The following MMP26 variants were observed in gnomAD, a reference collection of about 807,000 sequenced individuals.
MMP26 encodes matrix metallopeptidase 26, also known as matrix metalloproteinase-26.
In MMP26, 33 loss-of-function variants were observed where a neutral mutation model predicts 31.0. The observed-to-expected ratio is 1.06, with a 90% confidence interval of 0.81 to 1.42. The LOEUF is 1.42. Ranked by LOEUF, MMP26 falls within the 40% of genes most tolerant of loss-of-function variation. MMP26 has a pLI of 0.00. For missense variants in MMP26, 347 were observed against 316.1 expected, an observed-to-expected ratio of 1.10 and a Z score of -0.74; for synonymous variants, 122 against 114.9, an observed-to-expected ratio of 1.06 and a Z score of -0.40.
chr11:4,807,581 T>C (rs1372345060), intron 2 of MMP26, among the ~76,000 whole-genome samples: 1 of 122,424 alleles, frequency 8.2e-6, no homozygotes, highest in Non-Finnish European at 1.6e-5. Flanking sequence ...AACACATGGA[T>C]ACAGGGTGGG....
At chr11:4,726,031 G>C (rs1010363216) in intron 1 of MMP26, among the ~76,000 whole-genome samples, 1 of 152,160 alleles carries the variant, frequency 6.6e-6, no homozygotes, top group Non-Finnish European at 1.5e-5. Context: ...GAAAGAAATA[G>C]AGCACATTCA....
chr11:4,825,745 T>C (rs1849570067), intron 2 of MMP26, among the ~76,000 whole-genome samples: 1 of 152,168 alleles, frequency 6.6e-6, no homozygotes, highest in African/African-American at 2.4e-5. Context: ...TTCTGACTGC[T>C]AGCAACCAGA....
At position 4,990,587 on chromosome 11, in the gene MMP26, G is replaced by C; in HGVS notation, c.321-11G>C. On this transcript the variant is annotated splice_polypyrimidine_tract_variant and intron_variant, in intron 4 of 7. Transcript: ENST00000380390. ...CTCTGAACTATTTCATTTAGAGATT[G>C]CTTTCCTCAGGATTATCAATTACCC... 1 of 1,607,088 alleles carries C rather than the reference G, an allele frequency of 6.2e-7. No homozygotes were observed. Among genetic ancestry groups the C allele is most frequent in the Non-Finnish European group, 8.5e-7 (1 of 1,175,496 alleles).
At chr11:4,925,707 C>T (rs1164802517) in intron 2 of MMP26, among the ~76,000 whole-genome samples, 1 of 148,322 alleles carries the variant, frequency 6.7e-6, no homozygotes, top group South Asian at 2.1e-4. Flanking sequence ...AATGGAGAAT[C>T]AGAGAAATAG....
chr11:4,882,758 C>G (rs2133540044), intron 2 of MMP26: 1 of 1,613,914 alleles, frequency 6.2e-7, no homozygotes, highest in Middle Eastern at 1.7e-4. Flanking sequence ...GCTCTTACCA[C>G]CTGTGCTGAA....
intron 2 of MMP26, among the ~76,000 whole-genome samples, chr11:4,853,590 A>C (rs974241900): frequency 6.6e-6 from 1 of 152,156 alleles, no homozygotes; most frequent in Non-Finnish European, 1.5e-5. Context: ...TATAAAACTG[A>C]CTCAAGAAGA....
At chr11:4,836,323 G>A (rs1396502354) in intron 2 of MMP26, among the ~76,000 whole-genome samples, 5 of 151,912 alleles carry the variant, frequency 3.3e-5, no homozygotes, top group Admixed American at 1.3e-4. Flanking sequence ...CTGTGGTGGT[G>A]AGCACCTGAG....
intron 2 of MMP26, among the ~76,000 whole-genome samples, chr11:4,809,835 G>A (rs1432155874): frequency 6.6e-6 from 1 of 152,096 alleles, no homozygotes; most frequent in Non-Finnish European, 1.5e-5. Flanking sequence ...CCTGCTTCTG[G>A]GAGCTCTATG....
chr11:4,778,245 G>C (rs1269392863), intron 2 of MMP26, among the ~76,000 whole-genome samples: 2 of 151,994 alleles, frequency 1.3e-5, no homozygotes, highest in African/African-American at 4.8e-5. Flanking sequence ...ATTTTGTGCT[G>C]TTTGGATACT....
intron 1 of MMP26, among the ~76,000 whole-genome samples, chr11:4,753,904 T>A (rs966417397): frequency 2.0e-5 from 3 of 152,094 alleles, no homozygotes; most frequent in African/African-American, 7.2e-5. Flanking sequence ...TCTGTTGTGA[T>A]AAAAATCAGT....
intron 2 of MMP26, among the ~76,000 whole-genome samples, chr11:4,770,361 AC>A (rs1381777152): frequency 2.0e-5 from 3 of 152,260 alleles, no homozygotes; most frequent in Non-Finnish European, 4.4e-5. Flanking sequence ...GAGTCTGCAG[AC>A]ACAGATCTCC....
intron 2 of MMP26, among the ~76,000 whole-genome samples, chr11:4,972,505 T>C (rs189988250): frequency 6.6e-6 from 1 of 152,200 alleles, no homozygotes; most frequent in Non-Finnish European, 1.5e-5. Flanking sequence ...TTATTGCCCA[T>C]CTTAATTTCA....
chr11:4,915,777 A>C, intron 2 of MMP26: 1 of 644,508 alleles, frequency 1.6e-6, no homozygotes, highest in Non-Finnish European at 2.7e-6. Context: ...AATCAAATAT[A>C]CCTAGAACTG....
rs775274352 is a variant in MMP26, at chr11:4,907,389, C to G, written c.-144-80679C>G. On this transcript the variant is annotated intron_variant, in intron 2 of 7. Coordinates refer to ENST00000380390, the MANE Select transcript of MMP26 (RefSeq NM_021801.5). ...CTCATTATGTCTGTTCTCAATAACT[C>G]CGAAGTCAAGCTTTTCCTTCTGATT... is the stretch of plus-strand genomic sequence containing the variant. 36 of 1,612,980 alleles carry G rather than the reference C, an allele frequency of 2.2e-5. No homozygotes were observed. In the Admixed American group the frequency reaches 5.3e-4, roughly 24 times the overall value.
intron 2 of MMP26, chr11:4,794,829 T>A (rs1849083571): frequency 6.6e-6 from 1 of 152,254 alleles, no homozygotes; most frequent in Non-Finnish European, 1.5e-5. Flanking sequence ...CCATGTACTT[T>A]GTCTTGAAAA....
chr11:4,804,662 T>C (rs1849240004), intron 2 of MMP26: 1 of 504,166 alleles, frequency 2.0e-6, no homozygotes, highest in African/African-American at 1.9e-5. Flanking sequence ...ATATTTTTCT[T>C]GACCAGGTGT....
chr11:4,804,826 C>T (rs1274816848), intron 2 of MMP26, among the ~76,000 whole-genome samples: 1 of 149,772 alleles, frequency 6.7e-6, no homozygotes, highest in Non-Finnish European at 1.5e-5. Context: ...CCCCATTAGC[C>T]AGGCATGGTA....
At chr11:4,836,786 A>G (rs908945609) in intron 2 of MMP26, among the ~76,000 whole-genome samples, 2 of 150,506 alleles carry the variant, frequency 1.3e-5, no homozygotes, top group African/African-American at 4.9e-5. Context: ...CAGCCTCCCG[A>G]GTAGCTGGGA....
chr11:4,860,130 C>G (rs1033742228), intron 2 of MMP26: 2 of 471,020 alleles, frequency 4.2e-6, no homozygotes, highest in African/African-American at 4.0e-5. Flanking sequence ...CTATTCCAGT[C>G]TTTCGAATAA....
Sources: allele counts gnomAD v4.1 joint callset (sites outside exome capture counted in the v4.1 genomes callset), GRCh38; gene constraint gnomAD v4.1.1; transcripts MANE v1.5; gene names NCBI Gene and HGNC (gene_info 2026-07-23, HGNC 2026-07-21).